Variants in ADAMTS8 observed in about 807,000 individuals in gnomAD.
ADAMTS8 encodes ADAM metallopeptidase with thrombospondin type 1 motif 8.
Under a neutral mutation model 64.4 loss-of-function variants are expected in ADAMTS8, and 50 were observed. The observed-to-expected ratio is 0.78, with a 90% CI of 0.62 to 0.98. The LOEUF (loss-of-function observed/expected upper bound fraction) is 0.98. Ranked by LOEUF, ADAMTS8 falls within the 50% of genes least tolerant of loss-of-function variation. The probability of loss-of-function intolerance (pLI) is 0.00; values close to 1 mark genes in which losing one functional copy is unlikely to be tolerated. For missense variants in ADAMTS8, 1,192 were observed against 1,208.2 expected (o/e 0.99, Z 0.20); for synonymous variants, 556 against 533.6 (o/e 1.04, Z -0.58).
In ADAMTS8 at chr11:130,416,029, C is replaced by T; in HGVS notation, c.1264+134G>A. 1.9e-6 allele frequency: 2 copies of T among 1,075,272 alleles called. No homozygotes were observed. The highest frequency in any genetic ancestry group is 2.6e-6 in the Non-Finnish European group (2 of 776,248). The allele number at this position is 1,075,272 out of a possible 1,614,324, so 66.6% of individuals were successfully genotyped here. A position where few individuals can be genotyped will look rare whatever the true frequency, so the allele number is the denominator to read the frequency against. ...GCAGACTTCGGGGGTGGTGTGAATG[C>T]CCCAGCGTGGGAGGCTGGCCGGGGA... On this transcript the variant is annotated intron_variant, in intron 4 of 8. Coordinates refer to ENST00000257359, the MANE Select transcript of ADAMTS8 (RefSeq NM_007037.6). The surrounding 1 kb of genome is among the most constrained non-coding windows in gnomAD (Gnocchi z 4.8).
chr11:130,405,134 A>G lies in ADAMTS8; in HGVS notation c.*424T>C. On this transcript the variant is annotated 3_prime_UTR_variant, in exon 9 of 9. Coordinates refer to ENST00000257359, the MANE Select transcript of ADAMTS8 (RefSeq NM_007037.6). ...TTTGGAGCCTGCTTTGACATTCACC[A>G]TTGACTCCCTGCCCCACGCCTCTCT... 1 of 994,780 alleles carries G rather than the reference A, an allele frequency of 1.0e-6. No homozygotes were observed. Among genetic ancestry groups the G allele is most frequent in the Non-Finnish European group, 1.2e-6 (1 of 836,058 alleles). The allele number at this position is 994,780 out of a possible 1,614,324, so 61.6% of individuals were successfully genotyped here. A position where few individuals can be genotyped will look rare whatever the true frequency, so the allele number is the denominator to read the frequency against.
At chr11:130,421,205 A>C (rs749170750) in intron 1 of ADAMTS8, among the ~76,000 whole-genome samples, 3 of 152,214 alleles carry the variant, frequency 2.0e-5, no homozygotes, top group Non-Finnish European at 1.5e-5. Context: ...CACGTTGAGC[A>C]GATCGGAGGG....
At chr11:130,414,921 G>A in intron 4 of ADAMTS8, 89 bp from the exon 5 acceptor site, 1 of 1,341,756 alleles carries the variant, frequency 7.5e-7, no homozygotes, top group Admixed American at 2.8e-5. Context: ...GGCACTGAAG[G>A]TCTAGGTGTC....
chr11:130,410,886 C>T (rs1399301028), intron 6 of ADAMTS8, among the ~76,000 whole-genome samples: 1 of 152,184 alleles, frequency 6.6e-6, no homozygotes, highest in East Asian at 1.9e-4. Flanking sequence ...AGATGGGCAA[C>T]TCTTCTCAGA....
At chr11:130,412,347 G>T (rs933779079) in intron 5 of ADAMTS8, among the ~76,000 whole-genome samples, 1 of 152,154 alleles carries the variant, frequency 6.6e-6, no homozygotes, top group Admixed American at 6.6e-5. Context: ...CCGAATAACT[G>T]GGATTACAGG....
rs931777255 is a variant in ADAMTS8 at position 130,405,033 on chromosome 11, G to T, written c.*525C>A. 3.0e-6 allele frequency: 3 copies of T among 986,896 alleles called. No individual in the cohort carries two copies. Among genetic ancestry groups the T allele is most frequent in the African/African-American group, 1.7e-5 (1 of 57,368 alleles). 61.1% of individuals were successfully genotyped at this position (986,896 alleles called of 1,614,324 possible). On this transcript the variant is annotated 3_prime_UTR_variant, in exon 9 of 9. Transcript: ENST00000257359. ...CATGTGGCTCTCCAAACCCTGCGAC[G>T]CTGCGGCCCTTTAGGTGATGGATTT...
Position 130,427,985 on chromosome 11 carries a change from A to T in ADAMTS8, c.302T>A (p.Phe101Tyr). The T allele has an allele frequency of 6.5e-7, 1 of 1,529,676 alleles. No homozygotes were observed. Among genetic ancestry groups the T allele is most frequent in the Admixed American group, 2.0e-5 (1 of 50,766 alleles). The allele number at this position is 1,529,676 out of a possible 1,614,324, so 94.8% of individuals were successfully genotyped here. The change falls in exon 1 of 9, where the codon TTC (phenylalanine) becomes TAC (tyrosine). Residue 101 changes from phenylalanine to tyrosine, a missense_variant. Transcript: ENST00000257359. ...CTCCCCATTCACGGTGCCGGAGAAG[A>T]AGCAGCCGCGCAGCCCCCGCTCGCC... is the stretch of plus-strand genomic sequence containing the variant. ...TGGERGLRGC[F>Y]FSGTVNGEPE...
intron 1 of ADAMTS8, among the ~76,000 whole-genome samples, chr11:130,426,144 G>A (rs1182273396): frequency 2.6e-5 from 4 of 152,198 alleles, no homozygotes; most frequent in Admixed American, 2.6e-4. Context: ...ATACCACAAG[G>A]GCTTGCAGGG....
chr11:130,415,524 C>T (rs59446660), intron 4 of ADAMTS8, among the ~76,000 whole-genome samples: 9,404 of 151,156 alleles, frequency 0.062, 442 homozygotes, highest in East Asian at 0.2. Context: ...GGGCTGGTCT[C>T]GAACTCCTGA....
intron 2 of ADAMTS8, among the ~76,000 whole-genome samples, chr11:130,417,799 A>C (rs1162966526): frequency 6.6e-6 from 1 of 151,966 alleles, no homozygotes; most frequent in Non-Finnish European, 1.5e-5. Context: ...GCCTCGCTTT[A>C]TTGGTTCTTT....
At chr11:130,409,068 G>T in intron 6 of ADAMTS8, 128 bp from the exon 7 acceptor site, 1 of 1,041,690 alleles carries the variant, frequency 9.6e-7, no homozygotes, top group East Asian at 2.7e-5. Flanking sequence ...GGCGCCCAGG[G>T]CCAGTGTCTT....
At chr11:130,415,825 T>C (rs1592131510) in intron 4 of ADAMTS8, among the ~76,000 whole-genome samples, 1 of 152,142 alleles carries the variant, frequency 6.6e-6, no homozygotes, top group East Asian at 1.9e-4. Flanking sequence ...ACGCAGTCAC[T>C]GCCTCTGTCA....
In ADAMTS8 at chr11:130,405,251, A is replaced by G. The variant is rs571927859; in HGVS notation, c.*307T>C. The G allele has an allele frequency of 1.7e-6, 2 of 1,160,692 alleles. No homozygotes were observed. Among genetic ancestry groups the G allele is most frequent in the South Asian group, 4.2e-5 (1 of 23,862 alleles). 71.9% of individuals were successfully genotyped at this position (1,160,692 alleles called of 1,614,324 possible). ...ATTTAAGTTTGCTAGTCCTTTGCAA[A>G]CAGACTGACGCTGAGTGTCCTGTCT... is the stretch of plus-strand genomic sequence containing the variant. On this transcript the variant is annotated 3_prime_UTR_variant, in exon 9 of 9. Transcript: ENST00000257359.
chr11:130,409,083 G>A, intron 6 of ADAMTS8, 143 bp from the exon 7 acceptor site: 1 of 895,030 alleles, frequency 1.1e-6, no homozygotes, highest in Non-Finnish European at 1.6e-6. Flanking sequence ...TGTCTTCTGG[G>A]CACAACATTC....
In ADAMTS8 at chr11:130,416,452, C is replaced by G. The variant is rs149283095; in HGVS notation, c.1097-122G>C. The stretch of plus-strand genomic sequence containing the variant: ...CCACCCCCTCACTCTCCGAAGATTT[C>G]TGCGTAGGGCTTTCCCCTGCGCTTT... On this transcript the variant is annotated intron_variant, in intron 3 of 8. Coordinates refer to ENST00000257359, the MANE Select transcript of ADAMTS8 (RefSeq NM_007037.6). This position sits in a 1 kb window ranked among gnomAD's most constrained non-coding sequence, Gnocchi z 4.8. 8.9e-7 allele frequency: 1 copy of G among 1,117,762 alleles called. No homozygotes were observed. 69.2% of individuals were successfully genotyped at this position (1,117,762 alleles called of 1,614,324 possible).
Position 130,405,226 on chromosome 11 carries a change from A to C in ADAMTS8, c.*332T>G. On this transcript the variant is annotated 3_prime_UTR_variant, in exon 9 of 9. Coordinates refer to ENST00000257359, the MANE Select transcript of ADAMTS8 (RefSeq NM_007037.6). ...GAAACCAGATAGAATTTTTTTTTTC[A>C]TTTAAGTTTGCTAGTCCTTTGCAAA... 1 of 1,080,128 alleles carries C rather than the reference A, an allele frequency of 9.3e-7. No individual in the cohort carries two copies. The highest frequency in any genetic ancestry group is 5.9e-5 in the East Asian group (1 of 16,912). The allele number at this position is 1,080,128 out of a possible 1,614,324, so 66.9% of individuals were successfully genotyped here. A position where few individuals can be genotyped will look rare whatever the true frequency, so the allele number is the denominator to read the frequency against.
chr11:130,406,657 T>C (rs1259133010), intron 8 of ADAMTS8, among the ~76,000 whole-genome samples: 1 of 151,982 alleles, frequency 6.6e-6, no homozygotes, highest in Non-Finnish European at 1.5e-5. Flanking sequence ...AATATGGCCC[T>C]AGGGTGGGAT....
intron 1 of ADAMTS8, 130 bp from the exon 2 acceptor site, chr11:130,419,422 C>T: frequency 1.5e-6 from 2 of 1,293,594 alleles, no homozygotes; most frequent in Non-Finnish European, 2.1e-6. Context: ...CTCACAATAC[C>T]CCCGAGGTCT....
At chr11:130,427,451 CTT>C (rs36087476) in intron 1 of ADAMTS8, 114 bp downstream of exon 1, 119,597 of 428,166 alleles carry the variant, frequency 0.28, 7,284 homozygotes, top group Admixed American at 0.33. Flanking sequence ...GTGGGGAGGG[CTT>C]TTTTTTTTTT....
Sources: gnomAD v4.1 joint callset for allele counts (sites outside exome capture counted in the v4.1 genomes callset) on GRCh38, gnomAD v4.1.1 for gene constraint, Gnocchi (gnomAD v3.1) non-coding constraint, MANE v1.5 for transcripts, NCBI Gene and HGNC (gene_info 2026-07-23, HGNC 2026-07-21) for gene names.